The following ITM2A variants were observed in gnomAD, a reference collection of about 807,000 sequenced individuals.
The protein encoded by ITM2A is integral membrane protein 2A.
A neutral mutation model predicts 16.6 loss-of-function variants in ITM2A; 11 were observed. That is an observed-to-expected ratio of 0.66 (90% CI 0.42 to 1.10). The LOEUF is 1.10. Ranked by LOEUF, ITM2A falls within the 50% of genes least tolerant of loss-of-function variation. The probability of loss-of-function intolerance (pLI) is 0.00; values close to 1 mark genes in which losing one functional copy is unlikely to be tolerated. For missense variants in ITM2A, 243 were observed against 206.8 expected, an observed-to-expected ratio of 1.17 and a Z score of -1.07; for synonymous variants, 102 against 71.2, an observed-to-expected ratio of 1.43 and a Z score of -2.18.
In ITM2A at chrX:79,367,183, G is replaced by C. The variant is rs1222568855; in HGVS notation, c.33C>G (p.Ala11=). Residue 11 remains alanine, a synonymous_variant, in exon 1 of 6, where the codon GCC becomes GCG. Transcript: ENST00000373298. MVKIAFNTPT[A]VQKEEARQDV... ...CTTGCCGCGCCTCCTCCTTTTGCACGGCGGTAGGGGTATTGAAGGCGATTT... is the reference window on the plus strand; with the variant it reads ...CTTGCCGCGCCTCCTCCTTTTGCACCGCGGTAGGGGTATTGAAGGCGATTT... The C allele has an allele frequency of 2.5e-6, 3 of 1,206,565 alleles. No homozygotes were observed. The highest frequency in any genetic ancestry group is 3.0e-5 in the East Asian group (1 of 33,649).
chrX:79,363,109 A>C lies in ITM2A; in HGVS notation c.274T>G (p.Phe92Val), dbSNP rs760351492. The change falls in exon 3 of 6, where the codon TTT (phenylalanine) becomes GTT (valine). Residue 92 changes from phenylalanine to valine, a missense_variant. Coordinates refer to ENST00000373298, the MANE Select transcript of ITM2A (RefSeq NM_004867.5). ...STIYRGEMCF[F>V]DSEDPANSLR... is the part of the protein sequence containing the mutation. ...GAATTTGCAGGATCCTCAGAATCAA[A>C]AAAGCACATCTCTCCACGGTAAATG... 1.7e-6 allele frequency: 2 copies of C among 1,209,062 alleles called. No homozygotes were observed. The highest frequency in any genetic ancestry group is 2.2e-6 in the Non-Finnish European group (2 of 893,890).
chrX:79,363,250 G>A, intron 2 of ITM2A, 111 bp from the exon 3 acceptor site: 1 of 744,686 alleles, frequency 1.3e-6, no homozygotes. Flanking sequence ...GCCGAGGCTT[G>A]TTGACTACAG....
chrX:79,361,255 T>G, intron 5 of ITM2A, 74 bp downstream of exon 5: 5 of 1,123,735 alleles, frequency 4.4e-6, no homozygotes, highest in Admixed American at 4.5e-5. Context: ...GTTCCCCACT[T>G]TTTCCTGTAT....
rs767939567 is a variant in ITM2A, at chrX:79,363,513, C to T, written c.153G>A (p.Gly51=). Residue 51 remains glycine, a synonymous_variant, in exon 2 of 6, where the codon GGG becomes GGA. Coordinates refer to ENST00000373298, the MANE Select transcript of ITM2A (RefSeq NM_004867.5). ...GGCCTAAGAGAGTAAGCATACATCTCCCAGAGGAGCCCTCTTTTTCCTGGG... is the reference window on the plus strand; with the variant it reads ...GGCCTAAGAGAGTAAGCATACATCTTCCAGAGGAGCCCTCTTTTTCCTGGG... ...VATQEKEGSS[G]RCMLTLLGLS... The T allele has an allele frequency of 1.2e-4, 147 of 1,182,411 alleles. 1 individual carries two copies. The South Asian group carries it at 2.7e-3, about 21-fold the overall frequency.
At chrX:79,362,884 A>T (rs1257135929) in intron 3 of ITM2A, 58 bp downstream of exon 3, 65 of 943,874 alleles carry the variant, frequency 6.9e-5, no homozygotes, top group Non-Finnish European at 9.4e-5. Flanking sequence ...CAATGAAGTA[A>T]AAAAGAGAGA....
chrX:79,361,625 G>A (rs1292236379), intron 4 of ITM2A, 146 bp from the exon 5 acceptor site: 16 of 478,996 alleles, frequency 3.3e-5, no homozygotes, highest in Non-Finnish European at 4.5e-5. Flanking sequence ...CAGGTATTAA[G>A]CCTAGTACCT....
chrX:79,366,996 A>T (rs1004651980), intron 1 of ITM2A, 109 bp downstream of exon 1: 1 of 521,626 alleles, frequency 1.9e-6, no homozygotes, highest in East Asian at 3.8e-5. Context: ...CCCCAGAGAC[A>T]GCGTAAGAGG....
At chrX:79,365,568 G>A in intron 1 of ITM2A, among the ~76,000 whole-genome samples, 1 of 110,072 alleles carries the variant, frequency 9.1e-6, no homozygotes, top group Middle Eastern at 4.7e-3. Context: ...CAAATGCTCA[G>A]TTTTGCTTAT....
intron 3 of ITM2A, 45 bp downstream of exon 3, chrX:79,362,897 G>A (rs773425729): frequency 9.8e-7 from 1 of 1,020,219 alleles, no homozygotes; most frequent in Non-Finnish European, 1.4e-6. Flanking sequence ...AAGAGAGAGA[G>A]AGAGAAAAAA....
rs776078152 is a variant in ITM2A at position 79,363,093 on chromosome X, G to T, written c.290C>A (p.Pro97His). 1 of 1,210,010 alleles carries T rather than the reference G, an allele frequency of 8.3e-7. No individual in the cohort carries two copies. Among genetic ancestry groups the T allele is most frequent in the South Asian group, 1.8e-5 (1 of 56,726 alleles). ...CTCTCCTCCACGAAGGGAATTTGCA[G>T]GATCCTCAGAATCAAAAAAGCACAT... ...GEMCFFDSED[P>H]ANSLRGGEPN... Residue 97 changes from proline to histidine, a missense_variant, in exon 3 of 6, where the codon CCT becomes CAT. Physicochemically the swap from Pro to His is moderately conservative, Grantham distance 77. Transcript: ENST00000373298.
Position 79,363,303 on chromosome X carries a change from A to G in ITM2A, c.243+120T>C, listed in dbSNP as rs553934588. On this transcript the variant is annotated intron_variant, in intron 2 of 5. Transcript: ENST00000373298. ...AATCAATTTTATGAACTGAAAGGCA[A>G]CTTGAAAACTTTCCCTAAATCTTCT... The G allele has an allele frequency of 2.2e-5, 17 of 766,275 alleles. No individual in the cohort carries two copies. In the South Asian group the frequency reaches 3.0e-4, roughly 14 times the overall value. 63.1% of individuals were successfully genotyped at this position (766,275 alleles called of 1,213,427 possible).
chrX:79,360,867 A>G lies in ITM2A; in HGVS notation c.*222T>C, dbSNP rs115951131. 34,462 of 248,420 alleles carry G rather than the reference A, an allele frequency of 0.14. 2,033 individuals are homozygous for G. The highest frequency in any genetic ancestry group is 0.32 in the South Asian group (1,384 of 4,335). The allele number at this position is 248,420 out of a possible 1,213,427, so 20.5% of individuals were successfully genotyped here. ...ACCCTATAAATTCAAAGAAAAAATG[A>G]AACTCATGTAATTTCAGTTTCAAAA... On this transcript the variant is annotated 3_prime_UTR_variant, in exon 6 of 6. Coordinates refer to ENST00000373298, the MANE Select transcript of ITM2A (RefSeq NM_004867.5).
intron 1 of ITM2A, among the ~76,000 whole-genome samples, chrX:79,364,994 A>G (rs954832450): frequency 1.8e-5 from 2 of 110,783 alleles, no homozygotes; most frequent in East Asian, 5.6e-4. Context: ...TAGCACTACA[A>G]AGATAGAACT....
chrX:79,361,711 T>C (rs770447237), intron 4 of ITM2A, among the ~76,000 whole-genome samples: 23 of 110,976 alleles, frequency 2.1e-4, no homozygotes, highest in Non-Finnish European at 4.2e-4. Flanking sequence ...GTTATTCCCC[T>C]CTATGTGACC....
Position 79,364,616 on chromosome X carries a change from A to C in ITM2A, c.112-1062T>G, listed in dbSNP as rs1925522304. On this transcript the variant is annotated intron_variant, in intron 1 of 5. Coordinates refer to ENST00000373298, the MANE Select transcript of ITM2A (RefSeq NM_004867.5). ...ATCTAGGCCCTGATCATTAAAGAGT[A>C]AATCATTCAAACGTGTATATAAATC... Among the ~76,000 whole-genome samples, 3 of 111,946 alleles carry C rather than the reference A, an allele frequency of 2.7e-5. No individual in the cohort carries two copies. The Admixed American group carries it at 2.8e-4, about 11-fold the overall frequency.
intron 4 of ITM2A, among the ~76,000 whole-genome samples, chrX:79,361,848 GTT>G (rs146954659): frequency 1.8e-4 from 17 of 96,466 alleles, no homozygotes; most frequent in African/African-American, 5.2e-4. Flanking sequence ...ACATGATCTT[GTT>G]TTTTTTTTGT....
chrX:79,362,907 A>G, intron 3 of ITM2A, 35 bp downstream of exon 3: 1 of 1,087,438 alleles, frequency 9.2e-7, no homozygotes, highest in African/African-American at 1.8e-5. Context: ...GAGAGAAAAA[A>G]AATCCTGGAA....
At position 79,367,205 on chromosome X, in the gene ITM2A, A is replaced by AT; in HGVS notation, c.10dup (p.Ile4AsnfsTer90). 8.4e-7 allele frequency: 1 copy of AT among 1,197,007 alleles called. No individual in the cohort carries two copies. The highest frequency in any genetic ancestry group is 1.1e-6 in the Non-Finnish European group (1 of 884,657). ...CACGGCGGTAGGGGTATTGAAGGCG[A>AT]TTTTCACCATAGTGAATCTTCGGGC... is the stretch of plus-strand genomic sequence containing the variant. On this transcript the variant is annotated frameshift_variant, in exon 1 of 6. Transcript: ENST00000373298. LOFTEE classifies it high-confidence loss of function.
Position 79,361,124 on chromosome X carries a change from C to T in ITM2A, c.757G>A (p.Glu253Lys). The change falls in exon 6 of 6, where the codon GAA (glutamate) becomes AAA (lysine). Residue 253 changes from glutamate (E) to lysine (K), a missense_variant. Physicochemically the swap from Glu to Lys is moderately conservative, Grantham distance 56 (BLOSUM62 1). Coordinates refer to ENST00000373298, the MANE Select transcript of ITM2A (RefSeq NM_004867.5). ...KCWKIRHFPN[E>K]FIVETKICQE ...CAGATCTTGGTCTCAACAATAAATT[C>T]GTTGGGGAAGTGTCTAATCTTCCAG... is the stretch of plus-strand genomic sequence containing the variant. 8 of 1,202,351 alleles carry T rather than the reference C, an allele frequency of 6.7e-6. No individual in the cohort carries two copies. The highest frequency in any genetic ancestry group is 1.8e-5 in the South Asian group (1 of 56,387).
Sources: gnomAD v4.1 joint callset for allele counts (sites outside exome capture counted in the v4.1 genomes callset) on GRCh38, gnomAD v4.1.1 for gene constraint, MANE v1.5 for transcripts, NCBI Gene and HGNC (gene_info 2026-07-23, HGNC 2026-07-21) for gene names.